The following DNAH8 variants were observed in gnomAD, a reference collection of about 807,000 sequenced individuals.
DNAH8 encodes the protein axonemal beta dynein heavy chain 8.
DNAH8 carries 382 observed loss-of-function variants against 562.1 expected under a neutral mutation model. That is an observed-to-expected ratio of 0.68 (90% CI 0.63 to 0.74). The LOEUF is 0.74. DNAH8 is among the 30% of genes least tolerant of loss of function. The probability of loss-of-function intolerance (pLI) is 0.00; values close to 1 mark genes in which losing one functional copy is unlikely to be tolerated. For synonymous variants in DNAH8, 1,881 were observed against 1,919.4 expected, an observed-to-expected ratio of 0.98 and a Z score of 0.52; for missense variants, 5,203 against 5,620.4, an observed-to-expected ratio of 0.93 and a Z score of 2.37.
chr6:38,832,355 C>G lies in DNAH8; in HGVS notation c.4222C>G (p.Pro1408Ala). Residue 1408 changes from proline to alanine, a missense_variant, in exon 31 of 93, where the codon CCA becomes GCA. Around this residue, in one of 6 missense-constraint regions of DNAH8, gnomAD observed 2,176 missense variants for 2,365.1 expected, o/e 0.92. Transcript: ENST00000327475. ...ACAAGAGGACCTAGTTCAAGTGCAGCCAAAGTTTAAAAGCAATCTACTTGA... is the reference window on the plus strand; with the variant it reads ...ACAAGAGGACCTAGTTCAAGTGCAGGCAAAGTTTAAAAGCAATCTACTTGA... ...SVQEDLVQVQ[P>A]KFKSNLLESV... 1.2e-6 allele frequency: 2 copies of G among 1,613,574 alleles called. No individual in the cohort carries two copies. Among genetic ancestry groups the G allele is most frequent in the Non-Finnish European group, 1.7e-6 (2 of 1,179,634 alleles).
chr6:38,778,709 T>A (rs1025641523), intron 14 of DNAH8, among the ~76,000 whole-genome samples: 1 of 152,160 alleles, frequency 6.6e-6, no homozygotes, highest in Non-Finnish European at 1.5e-5. Context: ...TTCTCATGTT[T>A]CCCCTCCCTG....
chr6:38,951,829 A>C (rs1297777015), intron 82 of DNAH8, among the ~76,000 whole-genome samples: 1 of 152,202 alleles, frequency 6.6e-6, no homozygotes, highest in African/African-American at 2.4e-5. Context: ...ACAATAGCCA[A>C]AGTTTATGTT....
intron 3 of DNAH8, among the ~76,000 whole-genome samples, chr6:38,725,157 G>C (rs568889482): frequency 1.3e-5 from 2 of 151,944 alleles, no homozygotes; most frequent in African/African-American, 4.8e-5. Context: ...ACAAAAATTA[G>C]CTGGGTGTGG....
At chr6:38,945,643 G>A (rs1050551305) in intron 80 of DNAH8, 55 bp downstream of exon 80, 19 of 1,605,884 alleles carry the variant, frequency 1.2e-5, no homozygotes, top group Non-Finnish European at 1.6e-5. Flanking sequence ...AAACATACCT[G>A]GGCCGCTTAA....
At chr6:38,992,420 G>A (rs1412216513) in intron 88 of DNAH8, among the ~76,000 whole-genome samples, 2 of 152,224 alleles carry the variant, frequency 1.3e-5, no homozygotes, top group African/African-American at 4.8e-5. Flanking sequence ...TTTGTTGACT[G>A]ATCAGTGCTG....
chr6:38,909,128 G>C (rs1780693596), intron 64 of DNAH8, among the ~76,000 whole-genome samples: 1 of 152,148 alleles, frequency 6.6e-6, no homozygotes, highest in Non-Finnish European at 1.5e-5. Flanking sequence ...AAGTTTTTCA[G>C]ATATTTGGAG....
At chr6:38,734,331 C>CCCG (rs1310385898) in intron 4 of DNAH8, 143 bp from the exon 5 acceptor site, 2 of 769,616 alleles carry the variant, frequency 2.6e-6, no homozygotes, top group Admixed American at 4.2e-5. Context: ...AGTAGACCCC[C>CCCG]CCCCAAAAAA....
At chr6:38,807,018 A>G (rs1282221939) in intron 23 of DNAH8, among the ~76,000 whole-genome samples, 5 of 152,144 alleles carry the variant, frequency 3.3e-5, no homozygotes, top group African/African-American at 1.2e-4. Flanking sequence ...TCATTGTGTA[A>G]GCAAGACATG....
rs1350964386 is a variant in DNAH8 at position 38,907,948 on chromosome 6, C to G, written c.9349-8C>G. 6.3e-7 allele frequency: 1 copy of G among 1,585,398 alleles called. No individual in the cohort carries two copies. The highest frequency in any genetic ancestry group is 1.4e-5 in the African/African-American group (1 of 73,424). The stretch of plus-strand genomic sequence containing the variant: ...AACACAGAACACTTCCTTGTCCATT[C>G]CTTAAAGATCTCCAACTTGTTTGCA... On this transcript the variant is annotated splice_polypyrimidine_tract_variant and splice_region_variant and intron_variant, in intron 63 of 92. Coordinates refer to ENST00000327475, the MANE Select transcript of DNAH8 (RefSeq NM_001206927.2).
Position 38,761,764 on chromosome 6 carries a change from A to G in DNAH8, c.1578A>G (p.Val526=), listed in dbSNP as rs771253124. 2 of 1,566,328 alleles carry G rather than the reference A, an allele frequency of 1.3e-6. No individual in the cohort carries two copies. The highest frequency in any genetic ancestry group is 2.4e-5 in the East Asian group (1 of 40,866). The change falls in exon 11 of 93, where the codon GTA becomes GTG. Residue 526 remains valine, a synonymous_variant. Coordinates refer to ENST00000327475, the MANE Select transcript of DNAH8 (RefSeq NM_001206927.2). Reference sequence around the variant, plus strand: ...TTACTGATGGAGGATTAAACCATGTATGGGATCAGGAAACGCCAGTTGTAC... The same window carrying G: ...TTACTGATGGAGGATTAAACCATGTGTGGGATCAGGAAACGCCAGTTGTAC... The part of the protein sequence containing the change: ...AYITDGGLNH[V]WDQETPVVLK...
At chr6:38,921,306 T>C (rs1781685435) in intron 70 of DNAH8, 63 bp from the exon 71 acceptor site, 1 of 1,560,512 alleles carries the variant, frequency 6.4e-7, no homozygotes, top group Admixed American at 1.9e-5. Flanking sequence ...TTGTGTTATC[T>C]ACCAGTTACA....
chr6:39,015,504 C>A (rs780596498), intron 91 of DNAH8, among the ~76,000 whole-genome samples: 2 of 152,148 alleles, frequency 1.3e-5, no homozygotes, highest in Non-Finnish European at 1.5e-5. Flanking sequence ...TGAGTTCTCA[C>A]GAGATCTGAT....
chr6:39,022,338 C>T (rs1207349068), intron 91 of DNAH8, among the ~76,000 whole-genome samples: 1 of 152,232 alleles, frequency 6.6e-6, no homozygotes, highest in South Asian at 2.1e-4. Flanking sequence ...CCTCTTCCCC[C>T]AGCTCCTCCC....
In DNAH8 at chr6:38,909,476, C is replaced by A. The variant is rs200874008; in HGVS notation, c.9514-42C>A. Reference sequence around the variant, plus strand: ...AAATCTCTCTCTGGCTGACTTATAACCCCTCTGTGTTTCTAATGTTTGTTG... The same window carrying A: ...AAATCTCTCTCTGGCTGACTTATAAACCCTCTGTGTTTCTAATGTTTGTTG... On this transcript the variant is annotated intron_variant, in intron 64 of 92. Transcript: ENST00000327475. 4.4e-6 allele frequency: 7 copies of A among 1,581,602 alleles called. No individual in the cohort carries two copies. The East Asian group carries it at 1.6e-4, about 35-fold the overall frequency.
chr6:38,929,724 GA>G (rs1222604990), intron 75 of DNAH8, 58 bp downstream of exon 75: 44 of 1,396,174 alleles, frequency 3.2e-5, no homozygotes, highest in Non-Finnish European at 3.6e-5. Flanking sequence ...AAGAAAAAAA[GA>G]AAAAAATTAA....
intron 9 of DNAH8, among the ~76,000 whole-genome samples, chr6:38,755,693 T>A (rs1218263982): frequency 1.3e-5 from 2 of 152,126 alleles, no homozygotes. Context: ...AACTTTTAAG[T>A]TCAGATTTAC....
chr6:38,896,509 A>G (rs1779698931), intron 60 of DNAH8, among the ~76,000 whole-genome samples: 1 of 152,028 alleles, frequency 6.6e-6, no homozygotes, highest in African/African-American at 2.4e-5. Flanking sequence ...CAGGAGTTTG[A>G]GACTGCAGTG....
intron 46 of DNAH8, 37 bp from the exon 47 acceptor site, chr6:38,866,732 A>T: frequency 6.2e-7 from 1 of 1,600,112 alleles, no homozygotes. Context: ...CTTGTTTTTC[A>T]CTAAAGTTGA....
Position 38,775,797 on chromosome 6 carries a change from G to A in DNAH8, c.1808G>A (p.Ser603Asn), listed in dbSNP as rs538032199. The A allele has an allele frequency of 2.5e-6, 4 of 1,596,572 alleles. No homozygotes were observed. The Admixed American group carries it at 5.0e-5, about 20-fold the overall frequency. The change falls in exon 13 of 93, where the codon AGT (serine) becomes AAT (asparagine). Residue 603 changes from serine to asparagine, a missense_variant. Around this residue, in one of 6 missense-constraint regions of DNAH8, gnomAD observed 2,176 missense variants for 2,365.1 expected, o/e 0.92. Coordinates refer to ENST00000327475, the MANE Select transcript of DNAH8 (RefSeq NM_001206927.2). ...GTTGTGCAAACATATTCAACCTTGA[G>A]TAATTCTACCATAGAAGGAATAGAT... ...ITVVQTYSTLSNSTIEGIDIM... is the reference protein window; with the variant it reads ...ITVVQTYSTLNNSTIEGIDIM...
Sources: gnomAD v4.1 joint callset for allele counts (sites outside exome capture counted in the v4.1 genomes callset) on GRCh38, gnomAD v4.1.1 for gene constraint, gnomAD v4.1.1 regional missense constraint, MANE v1.5 for transcripts, NCBI Gene and HGNC (gene_info 2026-07-23, HGNC 2026-07-21) for gene names.